Variants in SVIL observed in about 807,000 individuals in gnomAD.
SVIL encodes the protein supervillin, also known as archvillin.
In SVIL, 101 loss-of-function variants were observed where a neutral mutation model predicts 240.4. The observed-to-expected ratio is 0.42, with a 90% CI of 0.36 to 0.50. SVIL has a LOEUF of 0.50. Ranked by LOEUF, SVIL falls within the 20% of genes least tolerant of loss-of-function variation. SVIL has a pLI of 0.01. For missense variants in SVIL, 2,512 were observed against 2,818.7 expected (o/e 0.89, Z 2.46); for synonymous variants, 999 against 1,100.0 (o/e 0.91, Z 1.82).
chr10:29,480,933 C>T, intron 28 of SVIL, 120 bp from the exon 29 acceptor site: 3 of 1,232,534 alleles, frequency 2.4e-6, no homozygotes, highest in Admixed American at 4.3e-5. Flanking sequence ...CACACTCTGT[C>T]TCAGGATGTT....
At chr10:29,693,043 A>G (rs1433924372) in intron 1 of SVIL, among the ~76,000 whole-genome samples, 3 of 152,128 alleles carry the variant, frequency 2.0e-5, no homozygotes, top group Non-Finnish European at 4.4e-5. Flanking sequence ...TTTCACACAA[A>G]AAGACTGCAA....
At chr10:29,544,079 C>T (rs1167125911) in intron 6 of SVIL, among the ~76,000 whole-genome samples, 1 of 152,162 alleles carries the variant, frequency 6.6e-6, no homozygotes, top group Non-Finnish European at 1.5e-5. Context: ...ATATAATGAT[C>T]AGCTTTAACT....
rs931547397 is a variant in SVIL at position 29,476,052 on chromosome 10, A to C, written c.5378-2063T>G. 2.6e-5 allele frequency among the ~76,000 whole-genome samples: 4 copies of C among 152,172 alleles called. No individual in the cohort carries two copies. In the East Asian group the frequency reaches 5.8e-4, roughly 22 times the overall value. On this transcript the variant is annotated intron_variant, in intron 29 of 37. Coordinates refer to ENST00000355867, the MANE Select transcript of SVIL (RefSeq NM_021738.3). ...TTTGTACCATCCACTGTGGATCTCA[A>C]CTGGTTAAGTTTGGGTGTTTTTGAG...
At chr10:29,570,333 T>A (rs1028314449) in intron 1 of SVIL, among the ~76,000 whole-genome samples, 1 of 152,246 alleles carries the variant, frequency 6.6e-6, no homozygotes, top group Non-Finnish European at 1.5e-5. Flanking sequence ...AATTCCTGAA[T>A]CTGAGGTCTG....
intron 1 of SVIL, among the ~76,000 whole-genome samples, chr10:29,695,486 C>T (rs1472387648): frequency 3.3e-5 from 5 of 152,260 alleles, no homozygotes; most frequent in Admixed American, 2.0e-4. Flanking sequence ...TGGCTCACGC[C>T]TGTAATCCCA....
chr10:29,513,212 C>A (rs1397727268), intron 16 of SVIL, among the ~76,000 whole-genome samples: 1 of 152,182 alleles, frequency 6.6e-6, no homozygotes, highest in Non-Finnish European at 1.5e-5. Context: ...GCCTTCTGGT[C>A]ACTTGTGAAA....
At chr10:29,539,339 T>A (rs1367378114) in intron 6 of SVIL, among the ~76,000 whole-genome samples, 3 of 152,166 alleles carry the variant, frequency 2.0e-5, no homozygotes, top group Non-Finnish European at 4.4e-5. Context: ...ACATAATACT[T>A]ATGGAGACCC....
At chr10:29,532,291 A>G (rs1393467639) in intron 8 of SVIL, 119 bp from the exon 9 acceptor site, 1 of 1,295,564 alleles carries the variant, frequency 7.7e-7, no homozygotes, top group Non-Finnish European at 1.0e-6. Context: ...ACCCCTCTTC[A>G]TGCCTCTACC....
chr10:29,475,820 T>A (rs1447077672), intron 29 of SVIL, among the ~76,000 whole-genome samples: 4 of 152,210 alleles, frequency 2.6e-5, no homozygotes, highest in Admixed American at 6.5e-5. Flanking sequence ...TGGTTTTATA[T>A]CACTGCAGTT....
intron 11 of SVIL, 65 bp downstream of exon 11, chr10:29,530,542 T>C: frequency 1.3e-6 from 2 of 1,587,796 alleles, no homozygotes; most frequent in Non-Finnish European, 1.7e-6. Context: ...TGCCTTGGCC[T>C]CTCAAATAGC....
intron 30 of SVIL, 199 bp downstream of exon 30, chr10:29,473,639 T>G (rs765306900): frequency 1.6e-6 from 1 of 638,574 alleles, no homozygotes; most frequent in Non-Finnish European, 2.6e-6. Context: ...TCCAGGATCA[T>G]CTTACAAAAA....
At chr10:29,489,410 C>T (rs1947742081) in intron 22 of SVIL, among the ~76,000 whole-genome samples, 1 of 152,194 alleles carries the variant, frequency 6.6e-6, no homozygotes, top group African/African-American at 2.4e-5. Flanking sequence ...TCTGTGCCAA[C>T]ATTTATTTCT....
At position 29,524,039 on chromosome 10, in the gene SVIL, C is replaced by G; in HGVS notation, c.2587-12G>C. 1.3e-6 allele frequency: 2 copies of G among 1,576,308 alleles called. No individual in the cohort carries two copies. The highest frequency in any genetic ancestry group is 1.7e-6 in the Non-Finnish European group (2 of 1,164,382). ...TTTCCACTCTGCACCTGGAAGGACA[C>G]AGTTAAAAATTAAAAAGCTGCTTGA... is the stretch of plus-strand genomic sequence containing the variant. On this transcript the variant is annotated splice_polypyrimidine_tract_variant and intron_variant, in intron 14 of 37. Transcript: ENST00000355867.
rs758295738 is a variant in SVIL at position 29,536,074 on chromosome 10, T to C, written c.828-5A>G. ...TCATGTTTGGGTTTCCCTGTACTAT[T>C]GTGTACAAAAAACAAAACCAGATAA... On this transcript the variant is annotated splice_region_variant and splice_polypyrimidine_tract_variant and intron_variant, in intron 6 of 37. Transcript: ENST00000355867. 1 of 1,614,124 alleles carries C rather than the reference T, an allele frequency of 6.2e-7. No homozygotes were observed. The highest frequency in any genetic ancestry group is 8.5e-7 in the Non-Finnish European group (1 of 1,179,934).
intron 3 of SVIL, among the ~76,000 whole-genome samples, chr10:29,655,321 C>T (rs1210553553): frequency 1.3e-5 from 2 of 151,978 alleles, no homozygotes; most frequent in Admixed American, 1.3e-4. Context: ...GGCCCTAGAC[C>T]CCCCGGCAAG....
intron 2 of SVIL, among the ~76,000 whole-genome samples, chr10:29,678,541 A>C (rs1960380467): frequency 6.6e-6 from 1 of 152,204 alleles, no homozygotes; most frequent in Non-Finnish European, 1.5e-5. Context: ...AACAGGCCAC[A>C]AACCAGTACT....
chr10:29,726,431 T>A lies in SVIL; in HGVS notation c.-400+9320A>T, dbSNP rs1589586909. Among the ~76,000 whole-genome samples the A allele has an allele frequency of 5.3e-5, 8 of 152,238 alleles. 2 individuals carry two copies. In the Middle Eastern group the frequency reaches 0.027, roughly 518 times the overall value. Reference sequence around the variant, plus strand: ...TACCTCATTTGAGGTACTTAACCTATCAAGGCTTCCACTTAAAAAGCTGTG... The same window carrying A: ...TACCTCATTTGAGGTACTTAACCTAACAAGGCTTCCACTTAAAAAGCTGTG... On this transcript the variant is annotated intron_variant, in intron 1 of 35. Transcript: ENST00000375400.
rs141852025 is a variant in SVIL, at chr10:29,672,118, G to T, written c.-300-14050C>A. On this transcript the variant is annotated intron_variant, in intron 2 of 35. Coordinates refer to the SVIL transcript ENST00000375400. ...CTGTAATTGCTCTTCTAGACCAGGGGTCAGCAAACTGTAACCTGTGGGCCA... is the reference window on the plus strand; with the variant it reads ...CTGTAATTGCTCTTCTAGACCAGGGTTCAGCAAACTGTAACCTGTGGGCCA... Among the ~76,000 whole-genome samples the T allele has an allele frequency of 2.9e-4, 44 of 152,266 alleles. No homozygotes were observed. The East Asian group carries it at 7.9e-3, about 27-fold the overall frequency.
At chr10:29,684,639 G>A (rs1286967837) in intron 2 of SVIL, among the ~76,000 whole-genome samples, 1 of 152,118 alleles carries the variant, frequency 6.6e-6, no homozygotes, top group Admixed American at 6.5e-5. Context: ...GCCCCCAAAC[G>A]CAATAGATGG....
Sources: gnomAD v4.1 joint callset for allele counts (sites outside exome capture counted in the v4.1 genomes callset) on GRCh38, gnomAD v4.1.1 for gene constraint, MANE v1.5 for transcripts, NCBI Gene and HGNC (gene_info 2026-07-23, HGNC 2026-07-21) for gene names.